Variants in LONP1 observed in about 807,000 individuals in gnomAD.
The protein encoded by LONP1 is lon protease homolog, mitochondrial.
LONP1 carries 31 observed loss-of-function variants against 98.5 expected under a neutral mutation model. The ratio of observed to expected loss-of-function variants is 0.31; its 90% confidence interval spans 0.24 to 0.42. The LOEUF is 0.42. LONP1 is among the 20% of genes least tolerant of loss of function. LONP1 has a pLI of 1.00. For synonymous variants in LONP1, 781 were observed against 594.7 expected (o/e 1.31, Z -4.56); for missense variants, 1,336 against 1,350.6 (o/e 0.99, Z 0.17).
chr19:5,717,241 G>T (rs2055338634), intron 1 of LONP1: 1 of 152,220 alleles, frequency 6.6e-6, no homozygotes, highest in African/African-American at 2.4e-5. Flanking sequence ...GACAAGTCAA[G>T]TACAAACTGA....
rs201021316 is a variant in LONP1 at position 5,699,178 on chromosome 19, C to T, written c.1534G>A (p.Gly512Ser). The T allele has an allele frequency of 8.1e-5, 123 of 1,513,074 alleles. No homozygotes were observed. The highest frequency in any genetic ancestry group is 9.9e-5 in the Non-Finnish European group (111 of 1,123,172). 93.7% of individuals were successfully genotyped at this position (1,513,074 alleles called of 1,614,324 possible). A position where few individuals can be genotyped will look rare whatever the true frequency, so the allele number is the denominator to read the frequency against. Residue 512 changes from glycine to serine, a missense_variant, in exon 10 of 18, where the codon GGC (glycine) becomes AGC (serine). Gly to Ser is a moderately conservative substitution (Grantham distance 56). This residue lies in a region of LONP1 where 219 missense variants were observed against 241.0 expected (regional missense o/e 0.91). Coordinates refer to ENST00000360614, the MANE Select transcript of LONP1 (RefSeq NM_004793.4). ...CAGAGGATCTTGCCCTGGGTGGAGCCGCGGAGCTGGCTAACGGCAATGAAC... is the reference window on the plus strand; with the variant it reads ...CAGAGGATCTTGCCCTGGGTGGAGCTGCGGAGCTGGCTAACGGCAATGAAC... ...LEFIAVSQLR[G>S]STQGKILCFY...
intron 2 of LONP1, among the ~76,000 whole-genome samples, 191 bp from the exon 3 acceptor site, chr19:5,713,444 A>C (rs2055268528): frequency 6.6e-6 from 1 of 152,210 alleles, no homozygotes; most frequent in Non-Finnish European, 1.5e-5. Flanking sequence ...GGGCTGCCCC[A>C]GTGGTCACAG....
rs1452794495 is a variant in LONP1 at position 5,716,253 on chromosome 19, AATATACATATAT to A, written c.430-1994_430-1983del. On this transcript the variant is annotated intron_variant, in intron 1 of 17. Coordinates refer to ENST00000360614, the MANE Select transcript of LONP1 (RefSeq NM_004793.4). ...ATTCTTTATTATATAATAAAGTTAAAATATACATATATATATATATATATATATATATATATA... is the reference window on the plus strand; with the variant it reads ...ATTCTTTATTATATAATAAAGTTAAAATATATATATATATATATATATATA... 1.9e-3 allele frequency among the ~76,000 whole-genome samples: 139 copies of A among 71,726 alleles called. 3 individuals carry two copies. The highest frequency in any genetic ancestry group is 6.6e-3 in the African/African-American group (119 of 17,954). 47.1% of individuals were successfully genotyped at this position (71,726 alleles called of 152,430 possible).
chr19:5,694,615 G>T, intron 14 of LONP1, 63 bp from the exon 15 acceptor site: 1 of 1,470,984 alleles, frequency 6.8e-7, no homozygotes. Flanking sequence ...GGGTGGTGGG[G>T]TGACGGGCAC....
At chr19:5,693,863 C>T in intron 15 of LONP1, 94 bp from the exon 16 acceptor site, 3 of 1,042,496 alleles carry the variant, frequency 2.9e-6, no homozygotes, top group Non-Finnish European at 4.2e-6. Flanking sequence ...GCTCCTGCCC[C>T]AGTTTAGCAT....
chr19:5,693,770 C>CTGAAACAGGTGTGGAGCTGT lies in LONP1; in HGVS notation c.2321-21_2321-2dup. On this transcript the variant is annotated splice_acceptor_variant, in intron 15 of 17. Coordinates refer to ENST00000360614, the MANE Select transcript of LONP1 (RefSeq NM_004793.4). LOFTEE classifies it high-confidence loss of function. ...GTCTCCACAAACAGCGTGGAGCCTC[C>CTGAAACAGGTGTGGAGCTGT]TGAAACAGGTGTGGAGCTGTGAACA... 1 of 1,612,954 alleles carries CTGAAACAGGTGTGGAGCTGT rather than the reference C, an allele frequency of 6.2e-7. No homozygotes were observed. Among genetic ancestry groups the CTGAAACAGGTGTGGAGCTGT allele is most frequent in the Non-Finnish European group, 8.5e-7 (1 of 1,179,728 alleles).
chr19:5,713,329 G>T, intron 2 of LONP1, 76 bp from the exon 3 acceptor site: 1 of 1,540,458 alleles, frequency 6.5e-7, no homozygotes, highest in Non-Finnish European at 8.9e-7. Context: ...TGAGATGGAG[G>T]AGGGAGAGAA....
rs758802403 is a variant in LONP1, at chr19:5,694,510, C to T, written c.2197G>A (p.Glu733Lys). 22 of 1,613,108 alleles carry T rather than the reference C, an allele frequency of 1.4e-5. No homozygotes were observed. The highest frequency in any genetic ancestry group is 1.0e-4 in the Admixed American group (6 of 60,000). Residue 733 changes from glutamate (E) to lysine (K), a missense_variant, in exon 15 of 18, where the codon GAG (glutamate) becomes AAG (lysine). Glu to Lys is a moderately conservative substitution (Grantham distance 56). Coordinates refer to ENST00000360614, the MANE Select transcript of LONP1 (RefSeq NM_004793.4). ...TTCTCGGGCGTCACCTCCACGGACT[C>T]GGCCTCGCCGCTGACAATCTTGTAG... ...SAYKIVSGEAESVEVTPENLQ... is the reference protein window; with the variant it reads ...SAYKIVSGEAKSVEVTPENLQ...
At chr19:5,716,264 A>ATATATATATATATATG (rs1208226134) in intron 1 of LONP1, among the ~76,000 whole-genome samples, 4 of 27,506 alleles carry the variant, frequency 1.5e-4, no homozygotes, top group Admixed American at 1.3e-3. Flanking sequence ...ATATACATAT[A>ATATATATATATATATG]TATATATATA....
chr19:5,709,907 C>CAAAAAAAA (rs755774542), intron 4 of LONP1, among the ~76,000 whole-genome samples: 11 of 38,666 alleles, frequency 2.8e-4, no homozygotes, highest in South Asian at 1.4e-3. Flanking sequence ...GGCTCCATCT[C>CAAAAAAAA]AAAAAAAAAA....
chr19:5,720,229 C>T (rs1345296308), upstream of LONP1: 27 of 1,376,808 alleles, frequency 2.0e-5, no homozygotes, highest in Admixed American at 3.6e-5. Flanking sequence ...CCGATGGGCG[C>T]GTGGCTCGAA....
Position 5,692,076 on chromosome 19 carries a change from C to CA in LONP1, c.2835_2836insT (p.Ala946CysfsTer34). On this transcript the variant is annotated frameshift_variant, in exon 18 of 18. Coordinates refer to ENST00000360614, the MANE Select transcript of LONP1 (RefSeq NM_004793.4). LOFTEE classifies it high-confidence loss of function. Reference sequence around the variant, plus strand: ...GCCTCTGCCTGCTCGTCCGGGAAGGCGATGTCGAAGATCTCCCGGTAGTGT... The same window carrying CA: ...GCCTCTGCCTGCTCGTCCGGGAAGGCAGATGTCGAAGATCTCCCGGTAGTGT... The CA allele has an allele frequency of 6.2e-7, 1 of 1,613,974 alleles. No individual in the cohort carries two copies.
chr19:5,708,203 G>T, intron 5 of LONP1, 139 bp downstream of exon 5: 1 of 851,532 alleles, frequency 1.2e-6, no homozygotes, highest in Non-Finnish European at 1.8e-6. Flanking sequence ...GTGGGCAACG[G>T]GCTCCTCCAC....
At position 5,706,022 on chromosome 19, in the gene LONP1, T is replaced by G. The variant is rs769624080; in HGVS notation, c.1147-30A>C. On this transcript the variant is annotated intron_variant, in intron 7 of 17. Coordinates refer to ENST00000360614, the MANE Select transcript of LONP1 (RefSeq NM_004793.4). ...GGGGTGAGGTGCTGCCATCAGGCCC[T>G]GGCTCCGGGAAGCTGGGTGGGTGGG... 6.5e-5 allele frequency: 95 copies of G among 1,452,306 alleles called. 1 individual carries two copies. The highest frequency in any genetic ancestry group is 8.3e-5 in the Non-Finnish European group (88 of 1,061,020). 90.0% of individuals were successfully genotyped at this position (1,452,306 alleles called of 1,614,324 possible).
At chr19:5,706,676 A>C in intron 7 of LONP1, among the ~76,000 whole-genome samples, 1 of 152,188 alleles carries the variant, frequency 6.6e-6, no homozygotes, top group Middle Eastern at 3.2e-3. Context: ...TGATCTGCCG[A>C]AAATCATGAC....
At chr19:5,705,244 G>A (rs996818495) in intron 8 of LONP1, among the ~76,000 whole-genome samples, 10 of 151,862 alleles carry the variant, frequency 6.6e-5, no homozygotes, top group African/African-American at 1.9e-4. Flanking sequence ...ATCATTTGAG[G>A]TCAGGAGTTC....
chr19:5,719,796 T>C lies in LONP1; in HGVS notation c.337A>G (p.Thr113Ala). 1 of 1,612,914 alleles carries C rather than the reference T, an allele frequency of 6.2e-7. No individual in the cohort carries two copies. ...AACACATCGGGGATCGTCATGGGCG[T>C]GAGCGCCGTTATGACCGGGCCTTCC... ...AGEGPVITAL[T>A]PMTIPDVFPH... is the part of the protein sequence containing the mutation. The change falls in exon 1 of 18, where the codon ACG becomes GCG. Residue 113 changes from threonine (T) to alanine (A), a missense_variant. Thr to Ala is a moderately conservative substitution (Grantham distance 58). This residue lies in a region of LONP1 where 457 missense variants were observed against 403.1 expected (regional missense o/e 1.13). Coordinates refer to ENST00000360614, the MANE Select transcript of LONP1 (RefSeq NM_004793.4).
Position 5,713,247 on chromosome 19 carries a change from C to T in LONP1, c.525G>A (p.Glu175=), listed in dbSNP as rs762911819. Residue 175 remains glutamate, a synonymous_variant, in exon 3 of 18, where the codon GAG becomes GAA. Transcript: ENST00000360614. ...GVFLKRDDSN[E]SDVVESLDEI... ...CATCCAGGCTCTCGACCACATCCGA[C>T]TCATTGCTGTGGGAGAAGAGCACAG... The T allele has an allele frequency of 1.9e-6, 3 of 1,613,852 alleles. No homozygotes were observed. Among genetic ancestry groups the T allele is most frequent in the Non-Finnish European group, 2.5e-6 (3 of 1,179,888 alleles).
At chr19:5,698,760 C>T (rs1252708680) in intron 10 of LONP1, among the ~76,000 whole-genome samples, 5 of 152,162 alleles carry the variant, frequency 3.3e-5, no homozygotes, top group South Asian at 2.1e-4. Context: ...CTGGAACTAC[C>T]GGGGGTGTCT....
Sources: allele counts gnomAD v4.1 joint callset (sites outside exome capture counted in the v4.1 genomes callset), GRCh38; gene constraint gnomAD v4.1.1; regional missense constraint gnomAD v4.1.1; transcripts MANE v1.5; gene names NCBI Gene and HGNC (gene_info 2026-07-23, HGNC 2026-07-21).